PTPA: variants seen among roughly 807,000 people sequenced by gnomAD.
The protein encoded by PTPA is serine/threonine-protein phosphatase 2A activator.
Under a neutral mutation model 43.6 loss-of-function variants are expected in PTPA, and 13 were observed. That is an observed-to-expected ratio of 0.30 (90% CI 0.19 to 0.47). PTPA has a LOEUF of 0.47. Among genes scored for constraint, PTPA ranks in the 20% least tolerant of loss-of-function variants. The pLI is 0.99. For synonymous variants in PTPA, 172 were observed against 158.2 expected (o/e 1.09, Z -0.66); for missense variants, 329 against 411.9 (o/e 0.80, Z 1.74).
At chr9:129,112,995 G>A (rs1015865554) in intron 1 of PTPA, among the ~76,000 whole-genome samples, 11 of 151,760 alleles carry the variant, frequency 7.2e-5, no homozygotes, top group African/African-American at 2.4e-4. Context: ...AAGCCACATT[G>A]GAAGCAGAAT....
At chr9:129,143,202 C>T (rs761376713) in intron 9 of PTPA, 51 of 635,580 alleles carry the variant, frequency 8.0e-5, no homozygotes, top group Non-Finnish European at 1.3e-4. Flanking sequence ...GGCCTTTTCT[C>T]TCTTCCAAGT....
upstream of PTPA, chr9:129,111,337 C>T: frequency 8.4e-7 from 1 of 1,187,132 alleles, no homozygotes; most frequent in South Asian, 3.9e-5. Flanking sequence ...GCGCGCCCCG[C>T]ACTGACATGG....
At chr9:129,115,612 C>G (rs1259801382) in intron 1 of PTPA, among the ~76,000 whole-genome samples, 1 of 150,720 alleles carries the variant, frequency 6.6e-6, no homozygotes, top group African/African-American at 2.4e-5. Flanking sequence ...GATGATAGTC[C>G]TTTACTCTTC....
Position 129,147,450 on chromosome 9 carries a change from G to A in PTPA, c.958G>A (p.Val320Ile), listed in dbSNP as rs1163839813. Residue 320 changes from valine (V) to isoleucine (I), a missense_variant, in exon 10 of 10, where the codon GTC (valine) becomes ATC (isoleucine). By Grantham distance (29) the Val-to-Ile change is conservative (BLOSUM62 3). Coordinates refer to ENST00000393370, the MANE Select transcript of PTPA (RefSeq NM_178000.3). Reference protein sequence around the residue: ...KFGSLLPIHPVTSG With the variant: ...KFGSLLPIHPITSG ...CGGGAGCCTGCTGCCCATCCATCCT[G>A]TCACGTCGGGCTAGGAGGGGCCAAG... 1.9e-6 allele frequency: 3 copies of A among 1,613,770 alleles called. No individual in the cohort carries two copies. In the African/African-American group the frequency reaches 4.0e-5, roughly 22 times the overall value.
In PTPA at chr9:129,137,617, C is replaced by T; in HGVS notation, c.711C>T (p.His237=). The part of the protein sequence containing the change: ...LIDHPYLEPR[H]FVDEKAVNEN... The stretch of plus-strand genomic sequence containing the variant: ...ACCACCCATACCTGGAGCCCAGACA[C>T]TTTGTGGATGAGAAGGCCGTGAATG... Residue 237 remains histidine (H), a synonymous_variant, in exon 8 of 10, where the codon CAC becomes CAT. Coordinates refer to ENST00000393370, the MANE Select transcript of PTPA (RefSeq NM_178000.3). The T allele has an allele frequency of 6.2e-7, 1 of 1,612,918 alleles. No homozygotes were observed. Among genetic ancestry groups the T allele is most frequent in the Non-Finnish European group, 8.5e-7 (1 of 1,179,490 alleles).
intron 8 of PTPA, chr9:129,138,119 T>G (rs958551171): frequency 4.0e-6 from 1 of 247,710 alleles, no homozygotes; most frequent in Non-Finnish European, 8.1e-6. Context: ...GAACTTCTGG[T>G]GCAGACAGCT....
At chr9:129,133,798 C>T (rs1186761300) in intron 5 of PTPA, among the ~76,000 whole-genome samples, 2 of 152,224 alleles carry the variant, frequency 1.3e-5, no homozygotes, top group Non-Finnish European at 1.5e-5. Flanking sequence ...ACACGTTCTC[C>T]CTTGCTCTCA....
chr9:129,111,670 G>T, intron 1 of PTPA, 39 bp downstream of exon 1: 1 of 1,272,614 alleles, frequency 7.9e-7, no homozygotes, highest in Non-Finnish European at 1.0e-6. Flanking sequence ...GGGTCGGGTA[G>T]GGTGGGGGCG....
chr9:129,137,113 C>T (rs1398605722), intron 7 of PTPA, among the ~76,000 whole-genome samples: 3 of 152,286 alleles, frequency 2.0e-5, no homozygotes, highest in South Asian at 2.1e-4. Flanking sequence ...TCAGGATGGG[C>T]GTAGGTGATC....
At chr9:129,133,904 A>G (rs1850163717) in intron 5 of PTPA, among the ~76,000 whole-genome samples, 1 of 152,240 alleles carries the variant, frequency 6.6e-6, no homozygotes, top group Non-Finnish European at 1.5e-5. Context: ...TCTGGCTAGA[A>G]TGCATTTCTT....
intron 4 of PTPA, among the ~76,000 whole-genome samples, chr9:129,130,599 G>T (rs1157366931): frequency 2.0e-5 from 3 of 152,106 alleles, no homozygotes; most frequent in Non-Finnish European, 4.4e-5. Context: ...CATCATGTTG[G>T]CCAGGCTGAT....
chr9:129,140,637 AGACAAAGCC>A (rs1006966122), intron 8 of PTPA, among the ~76,000 whole-genome samples: 21 of 152,328 alleles, frequency 1.4e-4, no homozygotes, highest in South Asian at 2.1e-4. Flanking sequence ...GGCCCCTGGC[AGACAAAGCC>A]GACAAAGCCG....
At chr9:129,112,453 T>C (rs1179427602) in intron 1 of PTPA, among the ~76,000 whole-genome samples, 3 of 152,172 alleles carry the variant, frequency 2.0e-5, no homozygotes, top group African/African-American at 4.8e-5. Context: ...TTGAAAGCAT[T>C]TGATATTCTT....
At chr9:129,142,423 G>T in intron 8 of PTPA, 22 bp from the exon 9 acceptor site, 1 of 1,550,872 alleles carries the variant, frequency 6.4e-7, no homozygotes, top group Non-Finnish European at 8.7e-7. Flanking sequence ...TGTCTCTTCA[G>T]CTTGTGGCTT....
chr9:129,147,507 C>A lies in PTPA; in HGVS notation c.*43C>A. 1 of 1,576,512 alleles carries A rather than the reference C, an allele frequency of 6.3e-7. No individual in the cohort carries two copies. Among genetic ancestry groups the A allele is most frequent in the Non-Finnish European group, 8.7e-7 (1 of 1,148,952 alleles). ...AGCCACCCAGGCCACAGTTCCTGTG[C>A]CTGCCTTCCCCACCCCAGCAGTGGC... On this transcript the variant is annotated 3_prime_UTR_variant, in exon 10 of 10. Transcript: ENST00000393370.
chr9:129,115,070 G>A (rs911623941), intron 1 of PTPA, among the ~76,000 whole-genome samples: 2 of 152,070 alleles, frequency 1.3e-5, no homozygotes, highest in Non-Finnish European at 2.9e-5. Context: ...CATGATCTTG[G>A]CTCAGTGCAA....
At position 129,113,835 on chromosome 9, in the gene PTPA, A is replaced by G. The variant is rs898164015; in HGVS notation, c.31+2204A>G. Among the ~76,000 whole-genome samples, 24 of 152,038 alleles carry G rather than the reference A, an allele frequency of 1.6e-4. 1 individual carries two copies. Among genetic ancestry groups the G allele is most frequent in the Non-Finnish European group, 3.2e-4 (22 of 68,006 alleles). On this transcript the variant is annotated intron_variant, in intron 1 of 9. Coordinates refer to ENST00000393370, the MANE Select transcript of PTPA (RefSeq NM_178000.3). ...ATCAGGAGATAGGAGATATAAGGCA[A>G]CCACTGTTATCAGTGAGATGAATGT...
chr9:129,136,634 C>A (rs1356061580), intron 7 of PTPA, 39 bp downstream of exon 7: 3 of 1,571,462 alleles, frequency 1.9e-6, no homozygotes, highest in Non-Finnish European at 1.7e-6. Context: ...CACCCCCAAC[C>A]AAGGCTGCGT....
chr9:129,113,845 T>C (rs1848702498), intron 1 of PTPA, among the ~76,000 whole-genome samples: 1 of 152,056 alleles, frequency 6.6e-6, no homozygotes, highest in East Asian at 1.9e-4. Context: ...ACCACTGTTA[T>C]CAGTGAGATG....
Sources: allele counts gnomAD v4.1 joint callset (sites outside exome capture counted in the v4.1 genomes callset), GRCh38; gene constraint gnomAD v4.1.1; transcripts MANE v1.5; gene names NCBI Gene and HGNC (gene_info 2026-07-23, HGNC 2026-07-21).